The following PAX6 variants were observed in gnomAD, a reference collection of about 807,000 sequenced individuals.
The protein encoded by PAX6 is paired box protein Pax-6.
In PAX6, 7 loss-of-function variants were observed where a neutral mutation model predicts 60.7. The observed-to-expected ratio is 0.12, with a 90% confidence interval of 0.07 to 0.22. The LOEUF is 0.22. Ranked by LOEUF, PAX6 falls within the 10% of genes least tolerant of loss-of-function variation. The pLI is 1.00. For missense variants in PAX6, 355 were observed against 555.2 expected (o/e 0.64, Z 3.62); for synonymous variants, 208 against 201.2 (o/e 1.03, Z -0.29).
intron 4 of PAX6, chr11:31,806,132 G>A (rs952399925): frequency 1.2e-5 from 6 of 481,356 alleles, no homozygotes; most frequent in Admixed American, 4.1e-5. Context: ...GATTTGGGGG[G>A]GATGGGGTTT....
intron 4 of PAX6, 65 bp from the exon 5 acceptor site, chr11:31,802,899 G>A: frequency 5.3e-6 from 8 of 1,503,992 alleles, no homozygotes; most frequent in Non-Finnish European, 7.3e-6. Flanking sequence ...AGAGGAAGAA[G>A]AGGGAGAAGA....
intron 8 of PAX6, among the ~76,000 whole-genome samples, chr11:31,797,378 G>A (rs1951912451): frequency 6.6e-6 from 1 of 151,742 alleles, no homozygotes; most frequent in African/African-American, 2.4e-5. Context: ...TCCATGTTCT[G>A]TCTCACACAA....
intron 4 of PAX6, 154 bp downstream of exon 4, chr11:31,806,248 C>G: frequency 5.4e-6 from 4 of 734,328 alleles, no homozygotes; most frequent in Non-Finnish European, 8.5e-6. Flanking sequence ...CCCGGGCTGC[C>G]GGGCGCGGAG....
rs202169725 is a variant in PAX6 at position 31,801,533 on chromosome 11, G to A, written c.399+28C>T. ...GGAGAGAGCATTGGGCTTAGGGCAG[G>A]GAGGGCAGATGTTCTCAATGAACTT... On this transcript the variant is annotated intron_variant, in intron 7 of 13. Transcript: ENST00000640368. The A allele has an allele frequency of 2.9e-5, 46 of 1,613,930 alleles. No individual in the cohort carries two copies. The East Asian group carries it at 4.2e-4, about 15-fold the overall frequency.
At chr11:31,791,043 A>G (rs1234209789) in intron 12 of PAX6, 183 bp from the exon 13 acceptor site, 2 of 730,760 alleles carry the variant, frequency 2.7e-6, no homozygotes, top group Non-Finnish European at 4.8e-6. Context: ...TCCACTGGCC[A>G]CAGCTAGAAG....
At chr11:31,794,542 A>G (rs2134649231) in intron 9 of PAX6, 88 bp downstream of exon 9, 2 of 1,266,524 alleles carry the variant, frequency 1.6e-6, no homozygotes. Context: ...CTTCTATGCA[A>G]AGGGCCCTGG....
upstream of PAX6, among the ~76,000 whole-genome samples, chr11:31,815,724 G>T (rs1041710459): frequency 2.0e-5 from 3 of 150,184 alleles, no homozygotes; most frequent in Admixed American, 6.6e-5. Flanking sequence ...AGAGGCGGCA[G>T]CCAGGGATCA....
chr11:31,806,380 C>A, intron 4 of PAX6, 22 bp downstream of exon 4: 1 of 1,606,316 alleles, frequency 6.2e-7, no homozygotes. Context: ...CCCGAAGTCC[C>A]AGAAAGACCA....
chr11:31,793,979 GA>G, intron 10 of PAX6, 52 bp downstream of exon 10: 2 of 1,344,864 alleles, frequency 1.5e-6, no homozygotes, highest in Non-Finnish European at 2.1e-6. Flanking sequence ...CTGTCTCTAG[GA>G]AAGACAAATG....
chr11:31,806,561 C>A, intron 3 of PAX6, 99 bp from the exon 4 acceptor site: 9 of 926,994 alleles, frequency 9.7e-6, no homozygotes, highest in Non-Finnish European at 1.4e-5. Flanking sequence ...GGAGAATCTC[C>A]GTTCTTTAGG....
rs1046809673 is a variant in PAX6 at position 31,816,782 on chromosome 11, A to G, written c.-317+1027T>C. ...CTCCGAAGGTGCTCCCAGAAGACCTAGAAAGGGGGCGCAGGAGCGCGAGTG... is the reference window on the plus strand; with the variant it reads ...CTCCGAAGGTGCTCCCAGAAGACCTGGAAAGGGGGCGCAGGAGCGCGAGTG... On this transcript the variant is annotated intron_variant, in intron 1 of 12. Coordinates refer to the PAX6 transcript ENST00000241001. 4.0e-5 allele frequency: 25 copies of G among 619,056 alleles called. No individual in the cohort carries two copies. In the African/African-American group the frequency reaches 4.4e-4, roughly 11 times the overall value. The allele number at this position is 619,056 out of a possible 1,614,324, so 38.3% of individuals were successfully genotyped here.
upstream of PAX6, chr11:31,813,120 C>G (rs2135432497): frequency 6.6e-6 from 1 of 152,200 alleles, no homozygotes; most frequent in East Asian, 2.0e-4. Context: ...TAACCCTTCC[C>G]CGGGAGCTCG....
At position 31,800,695 on chromosome 11, in the gene PAX6, C is replaced by A. The variant is rs771257263; in HGVS notation, c.561G>T (p.Thr187=). The change falls in exon 8 of 14, where the codon ACG becomes ACT. Residue 187 remains threonine, a synonymous_variant. Coordinates refer to ENST00000640368, the MANE Select transcript of PAX6 (RefSeq NM_001368894.2). Reference sequence around the variant, plus strand: ...GGATGGCTGCTTGGGTTTTACCTTGCGTAGGTTGCCCTGGCACCGAAGTCC... The same window carrying A: ...GGATGGCTGCTTGGGTTTTACCTTGAGTAGGTTGCCCTGGCACCGAAGTCC... ...YPGTSVPGQP[T]QDGCQQQEGG... is the part of the protein sequence containing the mutation. 1.9e-6 allele frequency: 3 copies of A among 1,614,080 alleles called. No individual in the cohort carries two copies. Among genetic ancestry groups the A allele is most frequent in the Non-Finnish European group, 2.5e-6 (3 of 1,179,996 alleles).
At chr11:31,805,210 C>G (rs1187210683) in intron 4 of PAX6, 1 of 152,254 alleles carries the variant, frequency 6.6e-6, no homozygotes, top group Non-Finnish European at 1.5e-5. Flanking sequence ...CTCAGGGCTG[C>G]GCGCCCTGGC....
rs530259403 is a variant in PAX6 at position 31,789,043 on chromosome 11, C to T, written c.*891G>A. ...CACTTAAGTTTAAAACTCTTGCAAG[C>T]ACTTTTAATTGATTAGGAATGAACT... On this transcript the variant is annotated 3_prime_UTR_variant, in exon 14 of 14. Transcript: ENST00000640368. 4.7e-4 allele frequency: 95 copies of T among 201,770 alleles called. No individual in the cohort carries two copies. Among genetic ancestry groups the T allele is most frequent in the African/African-American group, 2.1e-3 (92 of 43,776 alleles). The allele number at this position is 201,770 out of a possible 1,614,324, so 12.5% of individuals were successfully genotyped here. A position where few individuals can be genotyped will look rare whatever the true frequency, so the allele number is the denominator to read the frequency against.
intron 8 of PAX6, among the ~76,000 whole-genome samples, chr11:31,797,179 C>T (rs1264935217): frequency 2.0e-5 from 3 of 152,118 alleles, no homozygotes; most frequent in Non-Finnish European, 4.4e-5. Context: ...ATGCCCATCT[C>T]CCCATGGCCA....
intron 9 of PAX6, 158 bp from the exon 10 acceptor site, chr11:31,794,272 C>T (rs1950766023): frequency 4.2e-6 from 3 of 708,734 alleles, no homozygotes; most frequent in Non-Finnish European, 2.6e-6. Context: ...AAGAACTTTC[C>T]CACCAGAACC....
intron 8 of PAX6, among the ~76,000 whole-genome samples, chr11:31,798,200 G>C (rs1952284843): frequency 6.6e-6 from 1 of 151,840 alleles, no homozygotes; most frequent in African/African-American, 2.4e-5. Flanking sequence ...GGGTATTATG[G>C]GGGGTGGGGG....
Position 31,806,453 on chromosome 11 carries a change from A to C in PAX6, c.-42T>G. The C allele has an allele frequency of 6.2e-7, 1 of 1,602,646 alleles. No individual in the cohort carries two copies. The highest frequency in any genetic ancestry group is 8.5e-7 in the Non-Finnish European group (1 of 1,174,624). On this transcript the variant is annotated 5_prime_UTR_variant, in exon 4 of 14. Transcript: ENST00000640368. Reference sequence around the variant, plus strand: ...GGCCGCGGGATTCCACGGGGCTCGAATATGGGGCTCTGTTAGCAAGAAAAT... The same window carrying C: ...GGCCGCGGGATTCCACGGGGCTCGACTATGGGGCTCTGTTAGCAAGAAAAT...
Sources: gnomAD v4.1 joint callset for allele counts (sites outside exome capture counted in the v4.1 genomes callset) on GRCh38, gnomAD v4.1.1 for gene constraint, MANE v1.5 for transcripts, NCBI Gene and HGNC (gene_info 2026-07-23, HGNC 2026-07-21) for gene names.